Variants in TMEM114 observed in about 807,000 individuals in gnomAD.
TMEM114 encodes transmembrane protein 114.
A neutral mutation model predicts 6.2 loss-of-function variants in TMEM114; 6 were observed. The observed-to-expected ratio is 0.97, with a 90% confidence interval of 0.53 to 1.91. The LOEUF (loss-of-function observed/expected upper bound fraction) is 1.91, where lower values mean the gene tolerates loss of function less well. Ranked by LOEUF, TMEM114 falls within the 40% of genes most tolerant of loss-of-function variation. The pLI is 0.01. For synonymous variants in TMEM114, 104 were observed against 73.0 expected (o/e 1.42, Z -2.16); for missense variants, 218 against 158.3 (o/e 1.38, Z -2.02).
intron 3 of TMEM114, 107 bp downstream of exon 3, chr16:8,571,980 C>T (rs1901749101): frequency 1.5e-6 from 2 of 1,336,354 alleles, no homozygotes; most frequent in Non-Finnish European, 2.0e-6. Context: ...GGAAACTGAA[C>T]CCCACGAGGC....
Position 8,569,863 on chromosome 16 carries a change from G to A in TMEM114, c.582C>T (p.Ile194=). 1.7e-5 allele frequency: 26 copies of A among 1,551,150 alleles called. No homozygotes were observed. Among genetic ancestry groups the A allele is most frequent in the Non-Finnish European group, 2.1e-5 (24 of 1,146,958 alleles). Reference sequence around the variant, plus strand: ...CGGTGAGCAGCTCGGCGATGAAGCTGATCCAGCCCAGGGCCAGGGACCAGC... The same window carrying A: ...CGGTGAGCAGCTCGGCGATGAAGCTAATCCAGCCCAGGGCCAGGGACCAGC... ...SFGWSLALGW[I]SFIAELLTGA... Residue 194 remains isoleucine, a synonymous_variant, in exon 4 of 4, where the codon ATC becomes ATT. Transcript: ENST00000620492.
At chr16:8,532,176 AT>A in the TMEM114 span, among the ~76,000 whole-genome samples, 6 of 152,142 alleles carry the variant, frequency 3.9e-5, no homozygotes, top group Admixed American at 1.3e-4. Context: ...GCTAATATAA[AT>A]TTTTCTTTTG....
chr16:8,560,627 G>T (rs906853234), intron 2 of TMEM114, among the ~76,000 whole-genome samples: 4 of 152,152 alleles, frequency 2.6e-5, no homozygotes, highest in African/African-American at 9.7e-5. Context: ...TCTCACCCTG[G>T]TTTCTCTCAC....
At chr16:8,532,515 G>A in the TMEM114 span, among the ~76,000 whole-genome samples, 1 of 152,116 alleles carries the variant, frequency 6.6e-6, no homozygotes, top group South Asian at 2.1e-4. Flanking sequence ...AAGGTGAAAG[G>A]CCAAACACCT....
chr16:8,559,797 G>T (rs1901140123), intron 2 of TMEM114, among the ~76,000 whole-genome samples: 1 of 152,176 alleles, frequency 6.6e-6, no homozygotes, highest in Non-Finnish European at 1.5e-5. Context: ...AGCTGTGTGT[G>T]CGTGAAGCCC....
downstream of TMEM114, among the ~76,000 whole-genome samples, chr16:8,567,728 A>G (rs1232855830): frequency 6.6e-6 from 1 of 152,170 alleles, no homozygotes; most frequent in East Asian, 1.9e-4. Context: ...TTAATCCAGC[A>G]CTTGGGCGCT....
At chr16:8,556,683 A>C (rs1056354907) in intron 2 of TMEM114, among the ~76,000 whole-genome samples, 2 of 151,940 alleles carry the variant, frequency 1.3e-5, no homozygotes, top group Non-Finnish European at 2.9e-5. Flanking sequence ...TTGTATTTTT[A>C]GTAGAGATGG....
At chr16:8,537,652 C>T (rs2141645177) in exon 3 of TMEM114, 1 of 152,172 alleles carries the variant, frequency 6.6e-6, no homozygotes, top group South Asian at 2.1e-4. Flanking sequence ...TTTTCATAAC[C>T]ATGATAATAT....
At chr16:8,535,739 C>G (rs961453580), downstream of TMEM114, among the ~76,000 whole-genome samples, 1 of 152,118 alleles carries the variant, frequency 6.6e-6, no homozygotes, top group Non-Finnish European at 1.5e-5. Flanking sequence ...CTCATCAAGT[C>G]AAATAAAGGT....
Position 8,569,577 on chromosome 16 carries a change from C to A in TMEM114, c.*196G>T, listed in dbSNP as rs1901654313. On this transcript the variant is annotated 3_prime_UTR_variant, in exon 4 of 4. Transcript: ENST00000620492. ...GGCTCCTCCAGGCCACACGGACACA[C>A]ACGGACATAAGCACACAGGTACTAG... is the stretch of plus-strand genomic sequence containing the variant. 2 of 1,425,758 alleles carry A rather than the reference C, an allele frequency of 1.4e-6. No homozygotes were observed. Among genetic ancestry groups the A allele is most frequent in the Non-Finnish European group, 1.8e-6 (2 of 1,093,584 alleles). 88.3% of individuals were successfully genotyped at this position (1,425,758 alleles called of 1,614,324 possible). A position where few individuals can be genotyped will look rare whatever the true frequency, so the allele number is the denominator to read the frequency against.
chr16:8,533,770 G>C (rs1360498495), downstream of TMEM114, among the ~76,000 whole-genome samples: 1 of 152,186 alleles, frequency 6.6e-6, no homozygotes, highest in East Asian at 1.9e-4. Flanking sequence ...CCATAGACCA[G>C]CTTACCGAAA....
intron 2 of TMEM114, among the ~76,000 whole-genome samples, chr16:8,561,597 A>C (rs932039051): frequency 2.0e-5 from 3 of 152,268 alleles, no homozygotes; most frequent in African/African-American, 4.8e-5. Flanking sequence ...GAATGAGTCG[A>C]TGAGCATATG....
chr16:8,581,213 T>G (rs972715209), intron 2 of TMEM114, among the ~76,000 whole-genome samples: 2 of 152,208 alleles, frequency 1.3e-5, no homozygotes, highest in African/African-American at 4.8e-5. Flanking sequence ...GTAACTTGCT[T>G]TCTTCATTCC....
At chr16:8,555,887 G>A (rs1156278824) in intron 2 of TMEM114, among the ~76,000 whole-genome samples, 2 of 152,156 alleles carry the variant, frequency 1.3e-5, no homozygotes, top group East Asian at 3.9e-4. Context: ...TACCAAGGTT[G>A]GGAAAGCCTG....
intron 2 of TMEM114, among the ~76,000 whole-genome samples, chr16:8,545,631 G>C (rs1254586583): frequency 6.6e-6 from 1 of 152,174 alleles, no homozygotes; most frequent in Non-Finnish European, 1.5e-5. Flanking sequence ...TAGATCATTA[G>C]TGGGGTCTGA....
Position 8,564,442 on chromosome 16 carries a change from G to A in TMEM114, n.212+24771C>T, listed in dbSNP as rs988387606. Among the ~76,000 whole-genome samples, 15 of 142,004 alleles carry A rather than the reference G, an allele frequency of 1.1e-4. No homozygotes were observed. In the East Asian group the frequency reaches 3.4e-3, roughly 32 times the overall value. The allele number at this position is 142,004 out of a possible 152,430, so 93.2% of individuals were successfully genotyped here. ...GTAAATGAGTGAGTGAGGGAGGGAGGGAATGAGTGAGTGAGTAAATGAGTG... is the reference window on the plus strand; with the variant it reads ...GTAAATGAGTGAGTGAGGGAGGGAGAGAATGAGTGAGTGAGTAAATGAGTG... On this transcript the variant is annotated intron_variant and non_coding_transcript_variant, in intron 2 of 2. Transcript: ENST00000623677.
intron 3 of TMEM114, 35 bp downstream of exon 3, chr16:8,572,052 C>G: frequency 6.7e-7 from 1 of 1,498,538 alleles, no homozygotes. Flanking sequence ...ACCCCCAGAC[C>G]ACAAGCCAGA....
chr16:8,567,021 C>T (rs1379161614), downstream of TMEM114, among the ~76,000 whole-genome samples: 1 of 151,442 alleles, frequency 6.6e-6, no homozygotes, highest in Non-Finnish European at 1.5e-5. Context: ...CTGCCTTAGC[C>T]TCCCAAGTAG....
At chr16:8,552,138 G>T (rs1467595079) in intron 2 of TMEM114, among the ~76,000 whole-genome samples, 2 of 152,046 alleles carry the variant, frequency 1.3e-5, no homozygotes, top group African/African-American at 4.8e-5. Context: ...ACTTTGGGAG[G>T]CTGAAGCAAG....
Sources: allele counts gnomAD v4.1 joint callset (sites outside exome capture counted in the v4.1 genomes callset), GRCh38; gene constraint gnomAD v4.1.1; transcripts MANE v1.5; gene names NCBI Gene and HGNC (gene_info 2026-07-23, HGNC 2026-07-21).